The following ASIC4 variants were observed in gnomAD, a reference collection of about 807,000 sequenced individuals.
ASIC4 encodes the protein acid sensing ion channel subunit family member 4, also known as acid-sensing ion channel 4.
A neutral mutation model predicts 53.4 loss-of-function variants in ASIC4; 28 were observed. The ratio of observed to expected loss-of-function variants is 0.52; its 90% CI spans 0.39 to 0.72. ASIC4 has a LOEUF of 0.72. Ranked by LOEUF, ASIC4 falls within the 30% of genes least tolerant of loss-of-function variation. ASIC4 has a pLI of 0.00. For synonymous variants in ASIC4, 289 were observed against 301.4 expected (o/e 0.96, Z 0.43); for missense variants, 649 against 729.7 (o/e 0.89, Z 1.27).
intron 1 of ASIC4, among the ~76,000 whole-genome samples, chr2:219,530,944 C>A (rs1044618213): frequency 6.6e-6 from 1 of 152,014 alleles, no homozygotes; most frequent in Admixed American, 6.6e-5. Context: ...CCATGGCTTC[C>A]GGTAGGGAGG....
At chr2:219,521,967 G>A (rs994215058) in intron 1 of ASIC4, among the ~76,000 whole-genome samples, 5 of 152,346 alleles carry the variant, frequency 3.3e-5, no homozygotes, top group Admixed American at 3.3e-4. Flanking sequence ...AGGACAGAGG[G>A]GCAGAGATCC....
intron 1 of ASIC4, among the ~76,000 whole-genome samples, chr2:219,522,772 C>A (rs990585081): frequency 3.3e-5 from 5 of 152,120 alleles, no homozygotes; most frequent in Admixed American, 6.5e-5. Context: ...GTGTTTCCCT[C>A]CGCGGTGGAA....
In ASIC4 at chr2:219,537,267, G is replaced by C; in HGVS notation, c.1347G>C (p.Leu449=). The change falls in exon 8 of 10, where the codon CTG becomes CTC. Residue 449 remains leucine (L), a synonymous_variant. Transcript: ENST00000358078. This position sits in a 1 kb window ranked among gnomAD's most constrained non-coding sequence, Gnocchi z 4.9. ...GAGACCTCGGGGGACAGATGGGCCT[G>C]TTCATTGGGGCCAGCATCCTCACGT... ...LLGDLGGQMG[L]FIGASILTLL... is the part of the protein sequence containing the mutation. The C allele has an allele frequency of 1.2e-6, 2 of 1,613,818 alleles. No homozygotes were observed. Among genetic ancestry groups the C allele is most frequent in the Non-Finnish European group, 1.7e-6 (2 of 1,179,916 alleles).
Position 219,532,075 on chromosome 2 carries a change from G to T in ASIC4, c.802G>T (p.Gly268Trp). The change falls in exon 3 of 10, where the codon GGG (glycine) becomes TGG (tryptophan). Residue 268 changes from glycine to tryptophan, a missense_variant. Gly to Trp is a radical substitution (Grantham distance 184). Coordinates refer to ENST00000358078, the MANE Select transcript of ASIC4 (RefSeq NM_018674.6). ...GGAGCCGCCCTACATCCACCAGCTG[G>T]GGTTCGGGGTGTCCCCAGGCTTCCA... ...QEEPPYIHQL[G>W]FGVSPGFQTF... The T allele has an allele frequency of 1.2e-6, 2 of 1,614,256 alleles. No homozygotes were observed. The highest frequency in any genetic ancestry group is 1.7e-6 in the Non-Finnish European group (2 of 1,180,032).
intron 5 of ASIC4, 115 bp from the exon 6 acceptor site, chr2:219,535,056 C>T (rs546965264): frequency 1.4e-6 from 2 of 1,444,918 alleles, no homozygotes; most frequent in Non-Finnish European, 1.9e-6. Context: ...CAGTAAAGGC[C>T]CTCAGTGTGG....
intron 6 of ASIC4, 113 bp downstream of exon 6, chr2:219,535,437 T>G: frequency 8.4e-7 from 1 of 1,189,632 alleles, no homozygotes. Flanking sequence ...GTGTATGTGT[T>G]TGTGTGTATG....
rs768053915 is a variant in ASIC4 at position 219,515,302 on chromosome 2, C to G, written c.578C>G (p.Ser193Cys). 7 of 1,607,980 alleles carry G rather than the reference C, an allele frequency of 4.4e-6. No individual in the cohort carries two copies. Among genetic ancestry groups the G allele is most frequent in the Non-Finnish European group, 2.6e-6 (3 of 1,176,314 alleles). ...SGHHCSASNF[S>C]VVYTRYGKCY... ...CATCACTGCTCCGCCAGCAACTTCT[C>G]TGTGGTGAGTTCTGCCAGCTGGGCT... Residue 193 changes from serine to cysteine, a missense_variant, in exon 1 of 10, where the codon TCT (serine) becomes TGT (cysteine). Transcript: ENST00000358078.
At chr2:219,535,858 G>A (rs1008746635) in intron 6 of ASIC4, among the ~76,000 whole-genome samples, 3 of 146,964 alleles carry the variant, frequency 2.0e-5, no homozygotes, top group African/African-American at 5.1e-5. Flanking sequence ...CTGCAACCTC[G>A]ACCTCCCAGG....
rs1046963542 is a variant in ASIC4 at position 219,536,845 on chromosome 2, G to A, written c.1230-221G>A. 6.6e-6 allele frequency among the ~76,000 whole-genome samples: 1 copy of A among 152,166 alleles called. No individual in the cohort carries two copies. Among genetic ancestry groups the A allele is most frequent in the Non-Finnish European group, 1.5e-5 (1 of 68,024 alleles). Reference sequence around the variant, plus strand: ...GGGAGGAGTGTTTCCTTCAGGTCCAGGAGTTGTGTTTTGCTCTCCCAGGCC... The same window carrying A: ...GGGAGGAGTGTTTCCTTCAGGTCCAAGAGTTGTGTTTTGCTCTCCCAGGCC... On this transcript the variant is annotated intron_variant, in intron 6 of 9. Coordinates refer to ENST00000358078, the MANE Select transcript of ASIC4 (RefSeq NM_018674.6). The surrounding 1 kb of genome is among the most constrained non-coding windows in gnomAD (Gnocchi z 4.6).
In ASIC4 at chr2:219,537,557, G is replaced by T; in HGVS notation, c.1402-75G>T. On this transcript the variant is annotated intron_variant, in intron 8 of 9. Transcript: ENST00000358078. This position sits in a 1 kb window ranked among gnomAD's most constrained non-coding sequence, Gnocchi z 4.9. ...GTGGCAGTAAGTCCTGTGGGCAGCT[G>T]GGCATGGTAAGGCTCACGCTTCTCC... The T allele has an allele frequency of 1.5e-6, 2 of 1,332,882 alleles. No homozygotes were observed. The highest frequency in any genetic ancestry group is 2.4e-5 in the East Asian group (1 of 41,994). 82.6% of individuals were successfully genotyped at this position (1,332,882 alleles called of 1,614,324 possible). A position where few individuals can be genotyped will look rare whatever the true frequency, so the allele number is the denominator to read the frequency against.
rs918244738 is a variant in ASIC4, at chr2:219,532,347, C to T, written c.888C>T (p.Cys296=). 9 of 1,613,576 alleles carry T rather than the reference C, an allele frequency of 5.6e-6. No homozygotes were observed. The highest frequency in any genetic ancestry group is 3.3e-4 in the Middle Eastern group (2 of 6,050). The change falls in exon 4 of 10, where the codon TGC becomes TGT. Residue 296 remains cysteine, a synonymous_variant. Transcript: ENST00000358078. ...LTYLPQPWGN[C]RAESELREPE... is the part of the protein sequence containing the mutation. ...ACCTGCCCCAGCCCTGGGGCAACTG[C>T]CGCGCAGAGAGTGAGCTCAGGGAGC...
intron 1 of ASIC4, among the ~76,000 whole-genome samples, chr2:219,527,579 G>C (rs1694980232): frequency 6.6e-6 from 1 of 152,120 alleles, no homozygotes; most frequent in South Asian, 2.1e-4. Context: ...ACACCCACCA[G>C]GTGTTCTATA....
chr2:219,537,942 C>CCGAGCCGGGG lies in ASIC4; in HGVS notation c.1518_1527dup (p.Arg510GlufsTer29), dbSNP rs1413402346. 1.9e-6 allele frequency: 3 copies of CCGAGCCGGGG among 1,608,688 alleles called. No individual in the cohort carries two copies. Among genetic ancestry groups the CCGAGCCGGGG allele is most frequent in the Non-Finnish European group, 2.5e-6 (3 of 1,177,522 alleles). ...TTTCTTTCTCCTGCAGAGTCCCTGC[C>CCGAGCCGGGG]CGAGCCGGGGCCGAGTGGAGGGTGG... On this transcript the variant is annotated frameshift_variant, in exon 10 of 10. Coordinates refer to ENST00000358078, the MANE Select transcript of ASIC4 (RefSeq NM_018674.6). LOFTEE classifies it high-confidence loss of function. The surrounding 1 kb of genome is among the most constrained non-coding windows in gnomAD (Gnocchi z 4.9).
In ASIC4 at chr2:219,533,029, C is replaced by G. The variant is rs141770054; in HGVS notation, c.1075+90C>G. The G allele has an allele frequency of 3.7e-6, 5 of 1,362,994 alleles. No individual in the cohort carries two copies. In the African/African-American group the frequency reaches 7.2e-5, roughly 20 times the overall value. 84.4% of individuals were successfully genotyped at this position (1,362,994 alleles called of 1,614,324 possible). A position where few individuals can be genotyped will look rare whatever the true frequency, so the allele number is the denominator to read the frequency against. The stretch of plus-strand genomic sequence containing the variant: ...CTCACTGTCTTGGATCCTCCCCTCC[C>G]AATCTCTTCCTGGAGGGTTCTTCCT... On this transcript the variant is annotated intron_variant, in intron 5 of 9. Transcript: ENST00000358078.
At chr2:219,524,942 G>A (rs1319335846) in intron 1 of ASIC4, among the ~76,000 whole-genome samples, 2 of 152,220 alleles carry the variant, frequency 1.3e-5, no homozygotes, top group African/African-American at 4.8e-5. Context: ...TTGAGCACCT[G>A]CCAGGAATCA....
chr2:219,531,203 TAA>T (rs35070228), intron 1 of ASIC4, among the ~76,000 whole-genome samples: 1 of 145,062 alleles, frequency 6.9e-6, no homozygotes, highest in Non-Finnish European at 1.5e-5. Flanking sequence ...AAATAAAAAG[TAA>T]AAAAAAAAAA....
At chr2:219,513,934 C>G (rs914559088), upstream of ASIC4, among the ~76,000 whole-genome samples, 2 of 152,224 alleles carry the variant, frequency 1.3e-5, no homozygotes, top group South Asian at 4.1e-4. Context: ...GCCCCCCTCC[C>G]TCCGTCATTC....
chr2:219,508,850 G>T, the ASIC4 span, among the ~76,000 whole-genome samples: 1 of 142,308 alleles, frequency 7.0e-6, no homozygotes, highest in Non-Finnish European at 1.5e-5. Flanking sequence ...GTGCGCTCCT[G>T]CCATTAGTGC....
upstream of ASIC4, among the ~76,000 whole-genome samples, chr2:219,513,156 C>G (rs1694723256): frequency 6.6e-6 from 1 of 152,168 alleles, no homozygotes; most frequent in Admixed American, 6.5e-5. Flanking sequence ...GGTTCTGCGG[C>G]TTGGATCGAT....
Sources: gnomAD v4.1 joint callset for allele counts (sites outside exome capture counted in the v4.1 genomes callset) on GRCh38, gnomAD v4.1.1 for gene constraint, Gnocchi (gnomAD v3.1) non-coding constraint, MANE v1.5 for transcripts, NCBI Gene and HGNC (gene_info 2026-07-23, HGNC 2026-07-21) for gene names.